CNTNAP2: variants seen among roughly 807,000 people sequenced by gnomAD.
CNTNAP2 encodes contactin-associated protein-like 2.
CNTNAP2 carries 98 observed loss-of-function variants against 155.2 expected under a neutral mutation model. The observed-to-expected ratio is 0.63, with a 90% CI of 0.54 to 0.75. CNTNAP2 has a LOEUF of 0.75. CNTNAP2 is among the 30% of genes least tolerant of loss of function. CNTNAP2 has a pLI of 0.00. For synonymous variants in CNTNAP2, 651 were observed against 631.2 expected, an observed-to-expected ratio of 1.03 and a Z score of -0.47; for missense variants, 1,727 against 1,688.1, an observed-to-expected ratio of 1.02 and a Z score of -0.40.
intron 1 of CNTNAP2, among the ~76,000 whole-genome samples, chr7:146,286,571 A>G (rs773504295): frequency 1.4e-4 from 22 of 152,282 alleles, no homozygotes; most frequent in South Asian, 4.1e-4. Flanking sequence ...CTTTTCAAAC[A>G]AAAATGTGAT....
chr7:146,323,429 A>G (rs1352358321), intron 1 of CNTNAP2, among the ~76,000 whole-genome samples: 2 of 152,086 alleles, frequency 1.3e-5, no homozygotes, highest in Non-Finnish European at 2.9e-5. Context: ...CAGAGGCTAC[A>G]GTACTGATTT....
chr7:147,065,322 T>C (rs1404303001), intron 4 of CNTNAP2, among the ~76,000 whole-genome samples: 1 of 152,192 alleles, frequency 6.6e-6, no homozygotes, highest in Non-Finnish European at 1.5e-5. Context: ...TAGAGGCTAT[T>C]TTGTATTCTA....
At chr7:147,462,000 G>C (rs1036888342) in intron 10 of CNTNAP2, among the ~76,000 whole-genome samples, 5 of 152,076 alleles carry the variant, frequency 3.3e-5, no homozygotes, top group Non-Finnish European at 5.9e-5. Flanking sequence ...TACTTTCAAA[G>C]TTTCAGCAAT....
chr7:147,648,315 G>A (rs1339809962), intron 13 of CNTNAP2, among the ~76,000 whole-genome samples: 1 of 152,110 alleles, frequency 6.6e-6, no homozygotes, highest in Admixed American at 6.5e-5. Context: ...CTAAAGACAA[G>A]GGCAGAAGTT....
chr7:147,727,956 C>T (rs902513272), intron 13 of CNTNAP2, among the ~76,000 whole-genome samples: 1 of 152,062 alleles, frequency 6.6e-6, no homozygotes, highest in East Asian at 1.9e-4. Flanking sequence ...CCCCTATGGT[C>T]ATCAATGTGC....
intron 13 of CNTNAP2, among the ~76,000 whole-genome samples, chr7:147,646,409 C>T (rs189212172): frequency 6.2e-4 from 95 of 152,032 alleles, no homozygotes; most frequent in Non-Finnish European, 1.0e-3. Context: ...TAACTGACAT[C>T]AAAAGATTAA....
At chr7:146,463,692 G>GTATACAGATATATACATA (rs1260502672) in intron 1 of CNTNAP2, among the ~76,000 whole-genome samples, 5 of 151,704 alleles carry the variant, frequency 3.3e-5, no homozygotes, top group Admixed American at 6.6e-5. Flanking sequence ...TTATATACAT[G>GTATACAGATATATACATA]TATACAGATA....
intron 14 of CNTNAP2, among the ~76,000 whole-genome samples, chr7:147,941,255 T>C (rs1176296102): frequency 1.3e-5 from 2 of 152,166 alleles, no homozygotes; most frequent in African/African-American, 4.8e-5. Context: ...TTTGGGGCCA[T>C]GACTTAATTA....
At chr7:147,218,522 T>C (rs1803324120) in intron 8 of CNTNAP2, among the ~76,000 whole-genome samples, 1 of 152,046 alleles carries the variant, frequency 6.6e-6, no homozygotes, top group Non-Finnish European at 1.5e-5. Flanking sequence ...ATGGTTTTCA[T>C]TGCTTAATCT....
At chr7:146,306,466 T>A (rs544421753) in intron 1 of CNTNAP2, among the ~76,000 whole-genome samples, 3 of 152,140 alleles carry the variant, frequency 2.0e-5, no homozygotes, top group Non-Finnish European at 4.4e-5. Context: ...TAGACCAATA[T>A]CCCTGATGAA....
intron 23 of CNTNAP2, among the ~76,000 whole-genome samples, chr7:148,410,176 T>C (rs1799802053): frequency 6.6e-6 from 1 of 151,628 alleles, no homozygotes; most frequent in Non-Finnish European, 1.5e-5. Flanking sequence ...ATTAAGTAGG[T>C]AGTAGTGACC....
At position 146,502,672 on chromosome 7, in the gene CNTNAP2, C is replaced by T. The variant is rs368902505; in HGVS notation, c.98-271599C>T. On this transcript the variant is annotated intron_variant, in intron 1 of 23. Coordinates refer to ENST00000361727, the MANE Select transcript of CNTNAP2 (RefSeq NM_014141.6). ...TTTCATCCAGGCTGGAGTGCAATGG[C>T]GCAATCTAGGCTTACTGCAACCTCT... Among the ~76,000 whole-genome samples, 23 of 152,138 alleles carry T rather than the reference C, an allele frequency of 1.5e-4. 1 individual carries two copies. The South Asian group carries it at 3.9e-3, about 26-fold the overall frequency.
intron 21 of CNTNAP2, among the ~76,000 whole-genome samples, chr7:148,290,358 C>T (rs555192292): frequency 1.2e-4 from 19 of 152,280 alleles, no homozygotes; most frequent in East Asian, 3.9e-4. Flanking sequence ...GTCAGCCATA[C>T]GGAAAACCAA....
At position 146,729,532 on chromosome 7, in the gene CNTNAP2, TA is replaced by T. The variant is rs747922927; in HGVS notation, c.98-44736del. 2.6e-4 allele frequency among the ~76,000 whole-genome samples: 40 copies of T among 152,188 alleles called. No individual in the cohort carries two copies. The East Asian group carries it at 7.1e-3, about 27-fold the overall frequency. ...CTCCAAAAATAAATGGAAATTGTGTTAAACAATAACTAGTATAGATGAGTAA... is the reference window on the plus strand; with the variant it reads ...CTCCAAAAATAAATGGAAATTGTGTTAACAATAACTAGTATAGATGAGTAA... On this transcript the variant is annotated intron_variant, in intron 1 of 23. Coordinates refer to ENST00000361727, the MANE Select transcript of CNTNAP2 (RefSeq NM_014141.6).
intron 1 of CNTNAP2, among the ~76,000 whole-genome samples, chr7:146,495,370 TG>T (rs1216818978): frequency 1.3e-5 from 2 of 152,178 alleles, no homozygotes; most frequent in African/African-American, 2.4e-5. Flanking sequence ...ATTCATGATG[TG>T]GGGGAGAGTT....
At position 147,246,205 on chromosome 7, in the gene CNTNAP2, C is replaced by T. The variant is rs567900624; in HGVS notation, c.1349-53936C>T. 1.5e-4 allele frequency among the ~76,000 whole-genome samples: 22 copies of T among 151,638 alleles called. No homozygotes were observed. The South Asian group carries it at 1.5e-3, about 10-fold the overall frequency. The stretch of plus-strand genomic sequence containing the variant: ...TCCAAAATTTGCAGGTGGGCCAGCA[C>T]GTTGGAGGCCCAGGGAAGAAAGACT... On this transcript the variant is annotated intron_variant, in intron 8 of 23. Coordinates refer to ENST00000361727, the MANE Select transcript of CNTNAP2 (RefSeq NM_014141.6).
At chr7:146,298,144 A>C (rs1270014485) in intron 1 of CNTNAP2, among the ~76,000 whole-genome samples, 1 of 152,220 alleles carries the variant, frequency 6.6e-6, no homozygotes, top group African/African-American at 2.4e-5. Context: ...GCAAGGGAGG[A>C]CAAGAGAAAA....
At chr7:146,298,926 T>G (rs1207177078) in intron 1 of CNTNAP2, among the ~76,000 whole-genome samples, 2 of 152,174 alleles carry the variant, frequency 1.3e-5, no homozygotes, top group African/African-American at 4.8e-5. Context: ...TACCTTGTAA[T>G]TCCTGTAGAA....
intron 2 of CNTNAP2, among the ~76,000 whole-genome samples, chr7:146,834,866 C>T (rs1585114194): frequency 2.0e-5 from 3 of 152,040 alleles, no homozygotes; most frequent in Admixed American, 1.3e-4. Flanking sequence ...TATTAATCCT[C>T]GGATCAATAG....
Sources: gnomAD v4.1 joint callset for allele counts (sites outside exome capture counted in the v4.1 genomes callset) on GRCh38, gnomAD v4.1.1 for gene constraint, MANE v1.5 for transcripts, NCBI Gene and HGNC (gene_info 2026-07-23, HGNC 2026-07-21) for gene names.